ESR1: variants seen among roughly 807,000 people sequenced by gnomAD.
The protein encoded by ESR1 is estrogen receptor 1, also known as estrogen receptor.
In ESR1, 12 loss-of-function variants were observed where a neutral mutation model predicts 52.7. That is an observed-to-expected ratio of 0.23 (90% CI 0.15 to 0.37). The LOEUF is 0.37. Among genes scored for constraint, ESR1 ranks in the 10% least tolerant of loss-of-function variants. The pLI is 1.00. For missense variants in ESR1, 584 were observed against 779.7 expected, an observed-to-expected ratio of 0.75 and a Z score of 2.99; for synonymous variants, 305 against 316.8, an observed-to-expected ratio of 0.96 and a Z score of 0.39.
At chr6:151,955,322 A>G (rs914908563) in intron 4 of ESR1, among the ~76,000 whole-genome samples, 4 of 152,210 alleles carry the variant, frequency 2.6e-5, no homozygotes, top group African/African-American at 7.2e-5. Flanking sequence ...GGTGTTGTGC[A>G]ACAATGTGAA....
intron 2 of ESR1, among the ~76,000 whole-genome samples, chr6:151,755,036 G>T (rs1322163938): frequency 6.6e-6 from 1 of 151,994 alleles, no homozygotes; most frequent in East Asian, 1.9e-4. Flanking sequence ...ATAGAGAAAA[G>T]CTGTCTCTAC....
intron 2 of ESR1, among the ~76,000 whole-genome samples, chr6:151,853,963 C>T (rs901745545): frequency 6.6e-6 from 1 of 152,170 alleles, no homozygotes; most frequent in Non-Finnish European, 1.5e-5. Context: ...TTTCAAAAGG[C>T]ATCAACTCGT....
chr6:151,772,301 C>T (rs1785589136), intron 2 of ESR1, among the ~76,000 whole-genome samples: 1 of 152,164 alleles, frequency 6.6e-6, no homozygotes, highest in South Asian at 2.1e-4. Flanking sequence ...GCCCTTCCAA[C>T]ATATGCACCA....
At chr6:151,843,994 C>T (rs1024353119) in intron 2 of ESR1, among the ~76,000 whole-genome samples, 13 of 150,682 alleles carry the variant, frequency 8.6e-5, no homozygotes, top group Admixed American at 2.6e-4. Flanking sequence ...GCATTTTCTT[C>T]GACACATTGC....
intron 6 of ESR1, among the ~76,000 whole-genome samples, chr6:152,072,494 G>C (rs77913298): frequency 0.015 from 2,287 of 152,312 alleles, 32 homozygotes; most frequent in Non-Finnish European, 0.024. Context: ...TCCCTGGTCA[G>C]TAATGAGCTT....
intron 2 of ESR1, among the ~76,000 whole-genome samples, chr6:151,719,318 G>T (rs1276035260): frequency 6.6e-6 from 1 of 152,020 alleles, no homozygotes; most frequent in Non-Finnish European, 1.5e-5. Flanking sequence ...GGTCGAGCCA[G>T]GTAAGGCAGA....
intron 2 of ESR1, among the ~76,000 whole-genome samples, chr6:151,729,894 C>T (rs910322975): frequency 6.6e-6 from 1 of 151,968 alleles, no homozygotes; most frequent in African/African-American, 2.4e-5. Context: ...TTGAGATCAG[C>T]CTGGGCAACA....
At chr6:152,038,297 C>T (rs1054153215) in intron 5 of ESR1, among the ~76,000 whole-genome samples, 3 of 152,172 alleles carry the variant, frequency 2.0e-5, no homozygotes, top group Non-Finnish European at 4.4e-5. Context: ...TGGTGCCCGC[C>T]CAGATTGAGG....
chr6:151,865,408 A>G (rs1789702992), intron 2 of ESR1, among the ~76,000 whole-genome samples: 1 of 152,112 alleles, frequency 6.6e-6, no homozygotes, highest in South Asian at 2.1e-4. Context: ...ATATTGTTTC[A>G]TTGGGTTGTA....
At chr6:151,675,788 A>G (rs1204357544) in intron 1 of ESR1, among the ~76,000 whole-genome samples, 1 of 152,246 alleles carries the variant, frequency 6.6e-6, no homozygotes, top group South Asian at 2.1e-4. Context: ...CCGTAAGTCA[A>G]GCCAGGCTAT....
At chr6:151,776,530 G>A (rs867827862) in intron 2 of ESR1, among the ~76,000 whole-genome samples, 21 of 152,270 alleles carry the variant, frequency 1.4e-4, no homozygotes, top group Admixed American at 5.9e-4. Flanking sequence ...GGGATAGAAC[G>A]TTGCATTCAG....
intron 3 of ESR1, among the ~76,000 whole-genome samples, chr6:151,884,833 A>G (rs1004054239): frequency 1.3e-5 from 2 of 152,168 alleles, no homozygotes; most frequent in Admixed American, 6.5e-5. Flanking sequence ...TGTAGATTAC[A>G]TGTCTCTTCT....
intron 3 of ESR1, among the ~76,000 whole-genome samples, chr6:151,913,452 C>T (rs1395503264): frequency 1.3e-5 from 2 of 152,182 alleles, no homozygotes; most frequent in South Asian, 2.1e-4. Flanking sequence ...TTATTTTTAA[C>T]AAGTTTGTCC....
intron 3 of ESR1, among the ~76,000 whole-genome samples, chr6:151,883,343 G>A (rs1453220086): frequency 6.6e-6 from 1 of 151,570 alleles, no homozygotes; most frequent in African/African-American, 2.4e-5. Context: ...GGCCAGGCTG[G>A]TCTTGAACTC....
In ESR1 at chr6:151,785,833, AGTGT is replaced by A. The variant is rs1314545061; in HGVS notation, c.-70-22008_-70-22005del. On this transcript the variant is annotated intron_variant, in intron 2 of 2. Transcript: ENST00000404742. ...AAGCAATGAGATTTGTCAGGAAGGA[AGTGT>A]GATTCAAGTACAGGCACTTTGTTAT... 3.9e-5 allele frequency among the ~76,000 whole-genome samples: 6 copies of A among 152,334 alleles called. No homozygotes were observed. The East Asian group carries it at 1.2e-3, about 29-fold the overall frequency.
At position 151,976,566 on chromosome 6, in the gene ESR1, T is replaced by C. The variant is rs1584590484; in HGVS notation, c.1096+32058T>C. ...TATCTCATCAGAATAGTATTAATATTTCTTATGACATTTCATATGTCCTGA... is the reference window on the plus strand; with the variant it reads ...TATCTCATCAGAATAGTATTAATATCTCTTATGACATTTCATATGTCCTGA... On this transcript the variant is annotated intron_variant, in intron 4 of 7. Coordinates refer to ENST00000206249, the MANE Select transcript of ESR1 (RefSeq NM_000125.4). Among the ~76,000 whole-genome samples the C allele has an allele frequency of 3.3e-5, 5 of 152,324 alleles. No homozygotes were observed. The Middle Eastern group carries it at 0.01, about 311-fold the overall frequency.
intron 4 of ESR1, among the ~76,000 whole-genome samples, chr6:151,969,725 C>T (rs1003570396): frequency 6.6e-5 from 10 of 152,180 alleles, no homozygotes; most frequent in Non-Finnish European, 1.2e-4. Context: ...CTTGCTTAGC[C>T]TGTTTCCATT....
chr6:151,779,741 A>G (rs949945203), intron 2 of ESR1, among the ~76,000 whole-genome samples: 1 of 152,010 alleles, frequency 6.6e-6, no homozygotes, highest in Admixed American at 6.5e-5. Context: ...TTATTGCAGC[A>G]CTATTCACAA....
At chr6:151,877,908 C>G (rs757363260) in intron 2 of ESR1, among the ~76,000 whole-genome samples, 1 of 151,784 alleles carries the variant, frequency 6.6e-6, no homozygotes, top group African/African-American at 2.4e-5. Context: ...CTCCTGGGCT[C>G]AAGCGATTCT....
Sources: gnomAD v4.1 joint callset for allele counts (sites outside exome capture counted in the v4.1 genomes callset) on GRCh38, gnomAD v4.1.1 for gene constraint, MANE v1.5 for transcripts, NCBI Gene and HGNC (gene_info 2026-07-23, HGNC 2026-07-21) for gene names.